Variants in PNPLA1 observed in about 807,000 individuals in gnomAD.
PNPLA1 encodes patatin like domain 1, omega-hydroxyceramide transacylase.
PNPLA1 carries 36 observed loss-of-function variants against 51.7 expected under a neutral mutation model. That is an observed-to-expected ratio of 0.70 (90% confidence interval 0.53 to 0.92). The LOEUF (loss-of-function observed/expected upper bound fraction) is 0.92, where lower values mean the gene tolerates loss of function less well. Ranked by LOEUF, PNPLA1 falls within the 40% of genes least tolerant of loss-of-function variation. The pLI is 0.00. For missense variants in PNPLA1, 658 were observed against 682.5 expected (o/e 0.96, Z 0.40); for synonymous variants, 293 against 280.1 (o/e 1.05, Z -0.46).
At chr6:36,253,863 A>G (rs947876158) in intron 1 of PNPLA1, among the ~76,000 whole-genome samples, 1 of 152,210 alleles carries the variant, frequency 6.6e-6, no homozygotes, top group African/African-American at 2.4e-5. Context: ...AAAGTGCAAG[A>G]CTGGCTCACC....
intron 1 of PNPLA1, among the ~76,000 whole-genome samples, chr6:36,261,729 C>T (rs1769653647): frequency 6.6e-6 from 1 of 152,182 alleles, no homozygotes; most frequent in Non-Finnish European, 1.5e-5. Flanking sequence ...ATTATTTTCC[C>T]ATTTTCTAGA....
intron 7 of PNPLA1, 63 bp downstream of exon 7, chr6:36,306,439 C>A: frequency 1.4e-6 from 2 of 1,423,916 alleles, no homozygotes; most frequent in Non-Finnish European, 9.7e-7. Context: ...CCCGGCTAAG[C>A]GATATCTTCC....
chr6:36,287,428 T>G (rs1770529159), intron 1 of PNPLA1, among the ~76,000 whole-genome samples: 1 of 152,128 alleles, frequency 6.6e-6, no homozygotes, highest in East Asian at 1.9e-4. Context: ...AGTACCCTGA[T>G]CAGGACACAT....
chr6:36,278,592 C>T (rs1052047848), intron 1 of PNPLA1, among the ~76,000 whole-genome samples: 3 of 152,184 alleles, frequency 2.0e-5, no homozygotes, highest in Admixed American at 6.5e-5. Flanking sequence ...GGGACAGACA[C>T]GTCTGAAGCC....
intron 1 of PNPLA1, among the ~76,000 whole-genome samples, chr6:36,253,117 T>C (rs1042136956): frequency 2.0e-5 from 3 of 152,062 alleles, no homozygotes; most frequent in African/African-American, 7.2e-5. Flanking sequence ...GAGGCGGAGG[T>C]TGCAGTGAGC....
chr6:36,280,620 C>T (rs1034346894), intron 1 of PNPLA1, among the ~76,000 whole-genome samples: 4 of 152,186 alleles, frequency 2.6e-5, no homozygotes, highest in Non-Finnish European at 4.4e-5. Flanking sequence ...AGAACGTAGT[C>T]CCTGTCCCTG....
intron 6 of PNPLA1, 120 bp downstream of exon 6, chr6:36,302,589 CT>C: frequency 7.6e-7 from 1 of 1,319,462 alleles, no homozygotes; most frequent in Non-Finnish European, 1.0e-6. Flanking sequence ...TAGCAGTGAG[CT>C]TTAGCATCTC....
intron 1 of PNPLA1, among the ~76,000 whole-genome samples, chr6:36,273,251 T>TAATAAATA (rs61428212): frequency 0.2 from 29,689 of 146,364 alleles, 3,233 homozygotes; most frequent in African/African-American, 0.26. Context: ...AATAAATAAA[T>TAATAAATA]AATAAATAAA....
chr6:36,302,711 T>A (rs1561871996), intron 6 of PNPLA1, among the ~76,000 whole-genome samples: 1 of 152,318 alleles, frequency 6.6e-6, no homozygotes, highest in East Asian at 1.9e-4. Context: ...AGCAAAAGCA[T>A]CACCTGGGAA....
chr6:36,279,495 C>T (rs1047258250), intron 1 of PNPLA1, among the ~76,000 whole-genome samples: 6 of 152,210 alleles, frequency 3.9e-5, no homozygotes, highest in African/African-American at 9.6e-5. Flanking sequence ...TTAGTAACTC[C>T]TTTCCTTTGT....
chr6:36,282,044 G>GGAAACAGA (rs779456419), intron 1 of PNPLA1, among the ~76,000 whole-genome samples: 11 of 34,564 alleles, frequency 3.2e-4, no homozygotes, highest in Middle Eastern at 0.019. Context: ...AAAGAAAGAA[G>GGAAACAGA]GAAAGAAAGA....
upstream of PNPLA1, among the ~76,000 whole-genome samples, chr6:36,269,711 G>A (rs1247863675): frequency 2.0e-5 from 3 of 152,174 alleles, no homozygotes; most frequent in African/African-American, 7.2e-5. Context: ...GCGGTGGTGG[G>A]TGGGGCCGCC....
intron 1 of PNPLA1, among the ~76,000 whole-genome samples, chr6:36,272,623 T>C (rs1377464706): frequency 2.0e-5 from 3 of 151,372 alleles, no homozygotes; most frequent in African/African-American, 7.3e-5. Flanking sequence ...ATGGGCAGAG[T>C]GTGTTTGAGG....
intron 1 of PNPLA1, among the ~76,000 whole-genome samples, chr6:36,254,726 C>T (rs1428559194): frequency 1.3e-5 from 2 of 152,170 alleles, no homozygotes; most frequent in Non-Finnish European, 2.9e-5. Flanking sequence ...GTCTACTTAA[C>T]TCTGAGCCTT....
intron 4 of PNPLA1, 27 bp from the exon 5 acceptor site, chr6:36,295,337 T>C: frequency 6.2e-7 from 1 of 1,613,798 alleles, no homozygotes; most frequent in Non-Finnish European, 8.5e-7. Flanking sequence ...GCAGCCTTGG[T>C]AATTCTCCTG....
At chr6:36,268,014 C>G (rs1769803358), upstream of PNPLA1, among the ~76,000 whole-genome samples, 1 of 152,148 alleles carries the variant, frequency 6.6e-6, no homozygotes, top group Admixed American at 6.5e-5. Context: ...ACTTCATTAA[C>G]TTGTCTTCCT....
chr6:36,263,205 C>A (rs927987215), intron 1 of PNPLA1, among the ~76,000 whole-genome samples: 1 of 152,080 alleles, frequency 6.6e-6, no homozygotes, highest in African/African-American at 2.4e-5. Flanking sequence ...AAATTTAAAT[C>A]TTTTGTATCA....
At chr6:36,297,514 A>T (rs987116152) in intron 5 of PNPLA1, among the ~76,000 whole-genome samples, 18 of 152,066 alleles carry the variant, frequency 1.2e-4, no homozygotes, top group African/African-American at 4.3e-4. Flanking sequence ...ACACCCCAAA[A>T]GGTGTCACCC....
chr6:36,273,655 G>C (rs956505765), intron 1 of PNPLA1, among the ~76,000 whole-genome samples: 1 of 137,820 alleles, frequency 7.3e-6, no homozygotes, highest in Non-Finnish European at 1.5e-5. Flanking sequence ...CACTTTGAGA[G>C]GCCAAGGCAG....
Sources: allele counts gnomAD v4.1 joint callset (sites outside exome capture counted in the v4.1 genomes callset), GRCh38; gene constraint gnomAD v4.1.1; transcripts MANE v1.5; gene names NCBI Gene and HGNC (gene_info 2026-07-23, HGNC 2026-07-21).